The following DYDC2 variants were observed in gnomAD, a reference collection of about 807,000 sequenced individuals.
DYDC2 encodes DPY30 domain containing 2.
A neutral mutation model predicts 18.7 loss-of-function variants in DYDC2; 19 were observed. The ratio of observed to expected loss-of-function variants is 1.02; its 90% confidence interval spans 0.71 to 1.49. DYDC2 has a LOEUF of 1.49. Among genes scored for constraint, DYDC2 ranks in the 40% most tolerant of loss-of-function variants. The pLI, the probability that DYDC2 is intolerant of heterozygous loss-of-function variation, is 0.00. For missense variants in DYDC2, 179 were observed against 205.1 expected (o/e 0.87, Z 0.78); for synonymous variants, 63 against 67.6 (o/e 0.93, Z 0.34).
upstream of DYDC2, chr10:80,356,343 G>T: frequency 1.0e-6 from 1 of 985,912 alleles, no homozygotes; most frequent in Non-Finnish European, 1.2e-6. Flanking sequence ...GATGGAAGGA[G>T]ATTCCTTACC....
intron 2 of DYDC2, among the ~76,000 whole-genome samples, chr10:80,362,102 T>C (rs1276992756): frequency 1.3e-5 from 2 of 152,242 alleles, no homozygotes; most frequent in East Asian, 3.8e-4. Flanking sequence ...AGCTAAAATA[T>C]GAGAAGTAGG....
intron 2 of DYDC2, 40 bp from the exon 3 acceptor site, chr10:80,362,393 TAA>T: frequency 1.9e-6 from 3 of 1,584,354 alleles, no homozygotes; most frequent in Non-Finnish European, 2.6e-6. Flanking sequence ...AATATCAGAT[TAA>T]GTTTGTAAAA....
intron 1 of DYDC2, among the ~76,000 whole-genome samples, chr10:80,346,511 A>G (rs575095730): frequency 4.9e-5 from 6 of 122,392 alleles, no homozygotes; most frequent in Non-Finnish European, 9.5e-5. Flanking sequence ...CCCAGGCTGG[A>G]GTGCAGTGGC....
chr10:80,349,554 A>T (rs1311761616), intron 1 of DYDC2, among the ~76,000 whole-genome samples: 1 of 152,236 alleles, frequency 6.6e-6, no homozygotes, highest in African/African-American at 2.4e-5. Flanking sequence ...TTTTAAAGGT[A>T]ATTTCTTAGT....
At chr10:80,364,028 A>C (rs1316699977) in intron 4 of DYDC2, among the ~76,000 whole-genome samples, 2 of 152,162 alleles carry the variant, frequency 1.3e-5, no homozygotes, top group Admixed American at 6.5e-5. Context: ...CTGGATAGAG[A>C]GTCGTCTCAA....
chr10:80,351,957 G>A (rs1843010315), upstream of DYDC2: 1 of 1,614,006 alleles, frequency 6.2e-7, no homozygotes, highest in Non-Finnish European at 8.5e-7. Flanking sequence ...TGCTCCATCA[G>A]AGCTAATTCT....
At chr10:80,350,265 G>A (rs2132821650) in intron 1 of DYDC2, among the ~76,000 whole-genome samples, 1 of 152,314 alleles carries the variant, frequency 6.6e-6, no homozygotes, top group East Asian at 1.9e-4. Flanking sequence ...GTTATTGCTA[G>A]TATTGCCAAA....
intron 2 of DYDC2, among the ~76,000 whole-genome samples, chr10:80,359,905 G>A (rs1047478229): frequency 4.6e-5 from 7 of 152,238 alleles, no homozygotes; most frequent in African/African-American, 7.2e-5. Context: ...AGCCGGCTCC[G>A]GCCTTGGCCA....
intron 1 of DYDC2, among the ~76,000 whole-genome samples, chr10:80,350,606 T>C (rs543704575): frequency 6.6e-6 from 1 of 152,334 alleles, no homozygotes; most frequent in South Asian, 2.1e-4. Context: ...CCTGCAGTTT[T>C]CTACCTCAAT....
intron 4 of DYDC2, among the ~76,000 whole-genome samples, chr10:80,366,028 C>CTTTTTT (rs770351822): frequency 1.2e-3 from 108 of 90,316 alleles, no homozygotes; most frequent in Non-Finnish European, 1.6e-3. Flanking sequence ...TTTTCTTTCT[C>CTTTTTT]TTTTTTTTTT....
At chr10:80,347,295 T>C (rs1480895799) in intron 1 of DYDC2, among the ~76,000 whole-genome samples, 1 of 143,138 alleles carries the variant, frequency 7.0e-6, no homozygotes, top group Non-Finnish European at 1.5e-5. Context: ...TTTTTTTTTT[T>C]TTTTTTTTTT....
At chr10:80,361,623 A>G (rs1836032529) in intron 2 of DYDC2, among the ~76,000 whole-genome samples, 2 of 152,204 alleles carry the variant, frequency 1.3e-5, no homozygotes, top group African/African-American at 4.8e-5. Context: ...TTCTACTTTA[A>G]CAAAGAACTT....
At position 80,362,934 on chromosome 10, in the gene DYDC2, C is replaced by G. The variant is rs767094128; in HGVS notation, c.148-17C>G. 3.4e-5 allele frequency: 54 copies of G among 1,609,314 alleles called. No individual in the cohort carries two copies. The highest frequency in any genetic ancestry group is 4.4e-5 in the Non-Finnish European group (52 of 1,178,056). On this transcript the variant is annotated splice_polypyrimidine_tract_variant and intron_variant, in intron 3 of 4. Transcript: ENST00000256039. Reference sequence around the variant, plus strand: ...CCCTGGTTGCTGACCTGATTTGACTCTGTCACCTCACCCCAGAATAGGGAA... The same window carrying G: ...CCCTGGTTGCTGACCTGATTTGACTGTGTCACCTCACCCCAGAATAGGGAA...
intron 2 of DYDC2, among the ~76,000 whole-genome samples, chr10:80,361,275 C>T (rs1035250900): frequency 5.3e-5 from 8 of 152,046 alleles, no homozygotes; most frequent in Admixed American, 2.6e-4. Flanking sequence ...CAGGAATCCA[C>T]GGAAATGTTT....
At chr10:80,353,531 T>C (rs1355965069), upstream of DYDC2, among the ~76,000 whole-genome samples, 4 of 151,090 alleles carry the variant, frequency 2.6e-5, no homozygotes, top group Admixed American at 1.3e-4. Flanking sequence ...TTTGGAAAAA[T>C]TGATCACCCT....
chr10:80,359,448 G>A (rs973330246), intron 2 of DYDC2, among the ~76,000 whole-genome samples: 7 of 152,196 alleles, frequency 4.6e-5, no homozygotes, highest in African/African-American at 9.7e-5. Context: ...AGTGGATCCC[G>A]CATCAGGGCT....
intron 1 of DYDC2, among the ~76,000 whole-genome samples, chr10:80,357,305 C>A (rs1376730513): frequency 3.3e-5 from 5 of 150,872 alleles, no homozygotes; most frequent in African/African-American, 1.2e-4. Flanking sequence ...GCGGGACGGG[C>A]GTGTGCTCGT....
intron 1 of DYDC2, chr10:80,344,827 T>A (rs1301367641): frequency 8.9e-6 from 2 of 225,214 alleles, no homozygotes; most frequent in Non-Finnish European, 1.8e-5. Flanking sequence ...TAAGTCCAAT[T>A]AAACCTCTTT....
chr10:80,362,303 C>G, intron 2 of DYDC2, 132 bp from the exon 3 acceptor site: 8 of 1,303,274 alleles, frequency 6.1e-6, no homozygotes, highest in Non-Finnish European at 8.3e-6. Flanking sequence ...TTTGTTGGTT[C>G]TTTTGGGAAA....
Sources: gnomAD v4.1 joint callset for allele counts (sites outside exome capture counted in the v4.1 genomes callset) on GRCh38, gnomAD v4.1.1 for gene constraint, MANE v1.5 for transcripts, NCBI Gene and HGNC (gene_info 2026-07-23, HGNC 2026-07-21) for gene names.